SKI: variants seen among roughly 807,000 people sequenced by gnomAD.
SKI encodes ski oncogene.
Under a neutral mutation model 59.3 loss-of-function variants are expected in SKI, and 23 were observed. That is an observed-to-expected ratio of 0.39 (90% confidence interval 0.28 to 0.55). SKI has a LOEUF of 0.55. Ranked by LOEUF, SKI falls within the 20% of genes least tolerant of loss-of-function variation. The pLI is 0.67. For missense variants in SKI, 1,017 were observed against 1,038.9 expected, an observed-to-expected ratio of 0.98 and a Z score of 0.29; for synonymous variants, 673 against 488.6, an observed-to-expected ratio of 1.38 and a Z score of -4.98.
At chr1:2,304,997 G>A (rs1051613777) in intron 5 of SKI, among the ~76,000 whole-genome samples, 7 of 152,236 alleles carry the variant, frequency 4.6e-5, no homozygotes, top group Non-Finnish European at 1.0e-4. Flanking sequence ...CCAGGAGTGG[G>A]TGTTCACGCG....
chr1:2,229,291 G>A lies in SKI; in HGVS notation c.525G>A (p.Gly175=), dbSNP rs1638576900. 4 of 1,596,458 alleles carry A rather than the reference G, an allele frequency of 2.5e-6. No individual in the cohort carries two copies. Among genetic ancestry groups the A allele is most frequent in the Non-Finnish European group, 3.4e-6 (4 of 1,172,454 alleles). ...TGCCCTTCTCGGCGCCCTCGTGCGG[G>A]CTCATCACCAAGACGGACGCCGAGC... ...GILPFSAPSC[G]LITKTDAERL... Residue 175 remains glycine (G), a synonymous_variant, in exon 1 of 7, where the codon GGG becomes GGA. Coordinates refer to ENST00000378536, the MANE Select transcript of SKI (RefSeq NM_003036.4). The surrounding 1 kb of genome is among the most constrained non-coding windows in gnomAD (Gnocchi z 6.3).
chr1:2,263,745 C>A (rs1025050983), intron 1 of SKI, among the ~76,000 whole-genome samples: 1 of 151,256 alleles, frequency 6.6e-6, no homozygotes, highest in South Asian at 2.1e-4. Context: ...GCCTGTAATC[C>A]CAGCACTTTG....
At chr1:2,276,374 C>T (rs1557834554) in intron 1 of SKI, among the ~76,000 whole-genome samples, 1 of 152,214 alleles carries the variant, frequency 6.6e-6, no homozygotes, top group Non-Finnish European at 1.5e-5. Context: ...GGAAGGGCTG[C>T]CCCGACTGGC....
intron 1 of SKI, among the ~76,000 whole-genome samples, chr1:2,234,166 TCTC>T (rs1006554955): frequency 3.3e-5 from 5 of 152,076 alleles, no homozygotes; most frequent in Non-Finnish European, 7.4e-5. Flanking sequence ...TGCTGAGTCT[TCTC>T]AAGCAGGGGA....
intron 1 of SKI, among the ~76,000 whole-genome samples, chr1:2,235,789 A>G (rs1638738772): frequency 6.6e-6 from 1 of 152,238 alleles, no homozygotes; most frequent in Non-Finnish European, 1.5e-5. Flanking sequence ...CTAGGACCAG[A>G]TGGACTGAGC....
Position 2,228,790 on chromosome 1 carries a change from C to G in SKI, c.24C>G (p.Arg8=). 1 of 1,317,304 alleles carries G rather than the reference C, an allele frequency of 7.6e-7. No individual in the cohort carries two copies. The highest frequency in any genetic ancestry group is 9.8e-7 in the Non-Finnish European group (1 of 1,020,316). The allele number at this position is 1,317,304 out of a possible 1,614,324, so 81.6% of individuals were successfully genotyped here. Residue 8 remains arginine, a synonymous_variant, in exon 1 of 7, where the codon CGC becomes CGG. Coordinates refer to ENST00000378536, the MANE Select transcript of SKI (RefSeq NM_003036.4). The stretch of plus-strand genomic sequence containing the variant: ...CCATGGAGGCGGCGGCAGGCGGCCG[C>G]GGCTGTTTCCAGCCGCACCCGGGGC... MEAAAGG[R]GCFQPHPGLQ...
At chr1:2,249,196 CTGA>C (rs1639064084) in intron 1 of SKI, among the ~76,000 whole-genome samples, 1 of 152,228 alleles carries the variant, frequency 6.6e-6, no homozygotes, top group African/African-American at 2.4e-5. Flanking sequence ...CAGGGTGTGT[CTGA>C]CCTGGGCCTG....
At chr1:2,244,248 G>A (rs1034079470) in intron 1 of SKI, among the ~76,000 whole-genome samples, 13 of 151,464 alleles carry the variant, frequency 8.6e-5, no homozygotes, top group Non-Finnish European at 1.6e-4. Flanking sequence ...ACAGGCGTGA[G>A]CCACTGCACC....
At position 2,268,963 on chromosome 1, in the gene SKI, TTC is replaced by T. The variant is rs1557830327; in HGVS notation, c.970-34014_970-34013del. ...TCTCTCCTTCTCTCCCTCTTCTTTTTTCGACAGGGTCTGGCTCTGGCTCTGTC... is the reference window on the plus strand; with the variant it reads ...TCTCTCCTTCTCTCCCTCTTCTTTTTGACAGGGTCTGGCTCTGGCTCTGTC... On this transcript the variant is annotated intron_variant, in intron 1 of 6. Coordinates refer to ENST00000378536, the MANE Select transcript of SKI (RefSeq NM_003036.4). The surrounding 1 kb of genome is among the most constrained non-coding windows in gnomAD (Gnocchi z 5.0). 1.3e-5 allele frequency among the ~76,000 whole-genome samples: 2 copies of T among 151,952 alleles called. No homozygotes were observed. The highest frequency in any genetic ancestry group is 2.9e-5 in the Non-Finnish European group (2 of 67,954).
chr1:2,300,549 C>G (rs1030170713), intron 1 of SKI, among the ~76,000 whole-genome samples: 29 of 152,228 alleles, frequency 1.9e-4, no homozygotes, highest in Non-Finnish European at 4.4e-5. Context: ...GGCCTGAAGA[C>G]GGCTGTCTGC....
At chr1:2,273,123 A>G (rs1277680619) in intron 1 of SKI, among the ~76,000 whole-genome samples, 1 of 152,202 alleles carries the variant, frequency 6.6e-6, no homozygotes, top group Non-Finnish European at 1.5e-5. Context: ...CATCTCGGGA[A>G]CAGACCAAGG....
rs753862105 is a variant in SKI at position 2,306,069 on chromosome 1, C to T, written c.1817C>T (p.Thr606Met). 5.0e-6 allele frequency: 8 copies of T among 1,601,270 alleles called. No homozygotes were observed. The highest frequency in any genetic ancestry group is 3.5e-5 in the Admixed American group (2 of 57,796). The part of the protein sequence containing the change: ...VAKKEKLREA[T>M]EAKRNLRKEI... Reference sequence around the variant, plus strand: ...AAGAAGGAGAAGCTGCGGGAGGCCACGGAGGCCAAGCGTAACCTGCGGAAG... The same window carrying T: ...AAGAAGGAGAAGCTGCGGGAGGCCATGGAGGCCAAGCGTAACCTGCGGAAG... The change falls in exon 6 of 7, where the codon ACG becomes ATG. Residue 606 changes from threonine to methionine, a missense_variant. Thr to Met is a moderately conservative substitution (Grantham distance 81). Coordinates refer to ENST00000378536, the MANE Select transcript of SKI (RefSeq NM_003036.4).
rs374888021 is a variant in SKI, at chr1:2,243,360, G to A, written c.969+13625G>A. 5.3e-5 allele frequency among the ~76,000 whole-genome samples: 8 copies of A among 152,350 alleles called. No individual in the cohort carries two copies. In the South Asian group the frequency reaches 1.0e-3, roughly 20 times the overall value. ...CTCTCGTGCTCCTCGGCAGGGGGCC[G>A]CCATCCTTATGCCCCGCCTGCCCTT... is the stretch of plus-strand genomic sequence containing the variant. On this transcript the variant is annotated intron_variant, in intron 1 of 6. Transcript: ENST00000378536.
chr1:2,277,603 A>G (rs1273553493), intron 1 of SKI, among the ~76,000 whole-genome samples: 2 of 152,216 alleles, frequency 1.3e-5, no homozygotes, highest in South Asian at 2.1e-4. Flanking sequence ...AGTTTCGGGT[A>G]TATCTTCTTC....
intron 1 of SKI, among the ~76,000 whole-genome samples, chr1:2,234,921 AG>A (rs935670140): frequency 2.3e-4 from 35 of 151,824 alleles, no homozygotes. Context: ...GGTGTCATGG[AG>A]GGGGGGCTGC....
intron 1 of SKI, among the ~76,000 whole-genome samples, chr1:2,271,718 TG>T (rs35691128): frequency 2.1e-4 from 32 of 149,316 alleles, no homozygotes; most frequent in African/African-American, 4.4e-4. Flanking sequence ...CCTGGTCCCC[TG>T]GGGGGGGGTA....
In SKI at chr1:2,229,923, G is replaced by A. The variant is rs555077433; in HGVS notation, c.969+188G>A. Among the ~76,000 whole-genome samples, 31 of 152,372 alleles carry A rather than the reference G, an allele frequency of 2.0e-4. No homozygotes were observed. Among genetic ancestry groups the A allele is most frequent in the African/African-American group, 7.0e-4 (29 of 41,594 alleles). On this transcript the variant is annotated intron_variant, in intron 1 of 6. Transcript: ENST00000378536. This position sits in a 1 kb window ranked among gnomAD's most constrained non-coding sequence, Gnocchi z 6.3. Reference sequence around the variant, plus strand: ...CAGGGCCAGAGAGTTTGGTAGGAAGGCCCTCCTGCCCGTTCCCCAGGACGA... The same window carrying A: ...CAGGGCCAGAGAGTTTGGTAGGAAGACCCTCCTGCCCGTTCCCCAGGACGA...
intron 1 of SKI, among the ~76,000 whole-genome samples, chr1:2,250,230 A>G (rs1388928674): frequency 6.6e-6 from 1 of 152,070 alleles, no homozygotes; most frequent in Non-Finnish European, 1.5e-5. Flanking sequence ...TAAGGAAACC[A>G]CTCAGTGTCT....
intron 1 of SKI, among the ~76,000 whole-genome samples, chr1:2,266,162 C>G (rs531708828): frequency 6.6e-6 from 1 of 152,072 alleles, no homozygotes; most frequent in Non-Finnish European, 1.5e-5. Flanking sequence ...ACATAGGACC[C>G]CATGAATTTG....
Sources: gnomAD v4.1 joint callset for allele counts (sites outside exome capture counted in the v4.1 genomes callset) on GRCh38, gnomAD v4.1.1 for gene constraint, Gnocchi (gnomAD v3.1) non-coding constraint, MANE v1.5 for transcripts, NCBI Gene and HGNC (gene_info 2026-07-23, HGNC 2026-07-21) for gene names.